Variants in NRP1 observed in about 807,000 individuals in gnomAD.
The protein encoded by NRP1 is neuropilin-1.
Under a neutral mutation model 106.7 loss-of-function variants are expected in NRP1, and 35 were observed. That is an observed-to-expected ratio of 0.33 (90% CI 0.25 to 0.43). NRP1 has a LOEUF of 0.43. NRP1 is among the 20% of genes least tolerant of loss of function. The pLI is 1.00. For missense variants in NRP1, 1,024 were observed against 1,170.4 expected (o/e 0.87, Z 1.83); for synonymous variants, 437 against 417.9 (o/e 1.05, Z -0.56).
intron 2 of NRP1, among the ~76,000 whole-genome samples, chr10:33,325,554 G>C (rs1847827540): frequency 6.6e-6 from 1 of 152,100 alleles, no homozygotes; most frequent in Non-Finnish European, 1.5e-5. Context: ...GGAATAATCA[G>C]ATTTGAGAAA....
Position 33,207,603 on chromosome 10 carries a change from G to T in NRP1, c.1728C>A (p.Leu576=). 1 of 1,614,188 alleles carries T rather than the reference G, an allele frequency of 6.2e-7. No homozygotes were observed. The change falls in exon 10 of 17, where the codon CTC becomes CTA. Residue 576 remains leucine, a synonymous_variant. Transcript: ENST00000374867. ...CTTCACAGCCCAGCAGCTCCATTCTGAGCCCCAGTCCGCCATGAGTGGCTC... is the reference window on the plus strand; with the variant it reads ...CTTCACAGCCCAGCAGCTCCATTCTTAGCCCCAGTCCGCCATGAGTGGCTC... The part of the protein sequence containing the change: ...PERATHGGLG[L]RMELLGCEVE...
intron 6 of NRP1, among the ~76,000 whole-genome samples, chr10:33,237,489 A>ACG (rs1840660024): frequency 9.3e-5 from 9 of 96,844 alleles, no homozygotes; most frequent in Non-Finnish European, 1.1e-4. Context: ...ATGCGCGCGC[A>ACG]CACACACACA....
chr10:33,251,722 T>C (rs1409547651), intron 6 of NRP1, among the ~76,000 whole-genome samples: 1 of 152,214 alleles, frequency 6.6e-6, no homozygotes, highest in African/African-American at 2.4e-5. Flanking sequence ...GTGTTTTTAC[T>C]GACAAGAGAA....
intron 13 of NRP1, among the ~76,000 whole-genome samples, chr10:33,189,693 T>A (rs1836276363): frequency 6.6e-6 from 1 of 152,244 alleles, no homozygotes; most frequent in Non-Finnish European, 1.5e-5. Context: ...ACCAAGCAAA[T>A]GGGATGCCTT....
chr10:33,211,300 A>C (rs1216596376), intron 9 of NRP1: 1 of 152,254 alleles, frequency 6.6e-6, no homozygotes, highest in Non-Finnish European at 1.5e-5. Context: ...TCACACCAGC[A>C]CACGCCGCCG....
chr10:33,229,007 T>G (rs1839898326), intron 6 of NRP1, among the ~76,000 whole-genome samples: 3 of 152,218 alleles, frequency 2.0e-5, no homozygotes. Flanking sequence ...ATCTCCCTCA[T>G]GTACACATTT....
chr10:33,276,298 G>C lies in NRP1; in HGVS notation c.249-5442C>G, dbSNP rs554720984. ...ACAACAACAACACTATCTTGGAAGT[G>C]AATCAAAGACGGGCTTTGCTTTTTT... On this transcript the variant is annotated intron_variant, in intron 2 of 16. Coordinates refer to ENST00000374867, the MANE Select transcript of NRP1 (RefSeq NM_003873.7). Among the ~76,000 whole-genome samples the C allele has an allele frequency of 2.6e-5, 4 of 152,284 alleles. No individual in the cohort carries two copies. In the East Asian group the frequency reaches 7.7e-4, roughly 29 times the overall value.
chr10:33,280,144 G>C (rs1363818213), intron 2 of NRP1, among the ~76,000 whole-genome samples: 1 of 152,168 alleles, frequency 6.6e-6, no homozygotes, highest in East Asian at 1.9e-4. Flanking sequence ...AAAATATTTG[G>C]AATCTAAATT....
At chr10:33,287,434 G>A (rs1008585873) in intron 2 of NRP1, among the ~76,000 whole-genome samples, 6 of 152,092 alleles carry the variant, frequency 3.9e-5, no homozygotes, top group Admixed American at 3.3e-4. Context: ...TAGCATGTAC[G>A]ACATACATAA....
At position 33,331,348 on chromosome 10, in the gene NRP1, G is replaced by C. The variant is rs11009347; in HGVS notation, c.74-466C>G. ...CCTGGTCTATGTCATTGATCAGTGGGGATTGTCTTTGATTGGCTTAAAGCC... is the reference window on the plus strand; with the variant it reads ...CCTGGTCTATGTCATTGATCAGTGGCGATTGTCTTTGATTGGCTTAAAGCC... On this transcript the variant is annotated intron_variant, in intron 1 of 16. Transcript: ENST00000374867. Among the ~76,000 whole-genome samples the C allele has an allele frequency of 2.2e-3, 337 of 152,206 alleles. 5 individuals carry two copies. The East Asian group carries it at 0.058, about 26-fold the overall frequency.
At chr10:33,330,385 C>T (rs1001659360) in intron 2 of NRP1, among the ~76,000 whole-genome samples, 1 of 150,596 alleles carries the variant, frequency 6.6e-6, no homozygotes, top group African/African-American at 2.5e-5. Flanking sequence ...CTAGTTCTTC[C>T]CCTCTCCAGG....
In NRP1 at chr10:33,256,455, C is replaced by T. The variant is rs758864521; in HGVS notation, c.675G>A (p.Gly225=). 6.2e-7 allele frequency: 1 copy of T among 1,614,112 alleles called. No individual in the cohort carries two copies. The highest frequency in any genetic ancestry group is 1.7e-5 in the Admixed American group (1 of 60,016). ...DGFPDVGPHI[G]RYCGQKTPGR... is the part of the protein sequence containing the mutation. ...CTGGTGTTTTCTGTCCACAGTAACG[C>T]CCAATGTGAGGGCCAACTGGAAAGG... The change falls in exon 5 of 17, where the codon GGG becomes GGA. Residue 225 remains glycine, a synonymous_variant. Transcript: ENST00000374867.
intron 2 of NRP1, among the ~76,000 whole-genome samples, chr10:33,283,923 G>T (rs927324496): frequency 6.6e-6 from 1 of 152,140 alleles, no homozygotes; most frequent in Non-Finnish European, 1.5e-5. Context: ...TAAACAAGGG[G>T]AACATACAAC....
chr10:33,231,690 C>G lies in NRP1; in HGVS notation c.982-5401G>C, dbSNP rs556544912. Among the ~76,000 whole-genome samples, 12 of 152,108 alleles carry G rather than the reference C, an allele frequency of 7.9e-5. 1 individual carries two copies. The highest frequency in any genetic ancestry group is 1.2e-4 in the Non-Finnish European group (8 of 67,998). ...AAGAGCAGTAAGAGTGTGCAAAACG[C>G]GAACCCATGACTACCGTACAGACAG... is the stretch of plus-strand genomic sequence containing the variant. On this transcript the variant is annotated intron_variant, in intron 6 of 16. Coordinates refer to ENST00000374867, the MANE Select transcript of NRP1 (RefSeq NM_003873.7).
chr10:33,214,093 T>G (rs1350971508), intron 8 of NRP1, among the ~76,000 whole-genome samples: 1 of 152,090 alleles, frequency 6.6e-6, no homozygotes, highest in Non-Finnish European at 1.5e-5. Context: ...TGCATAGAAG[T>G]CAATCCGATA....
intron 1 of NRP1, among the ~76,000 whole-genome samples, chr10:33,331,918 T>G (rs528035178): frequency 1.3e-5 from 2 of 152,234 alleles, no homozygotes; most frequent in East Asian, 3.8e-4. Flanking sequence ...CAGTGAAATA[T>G]ATAAGCCTAT....
In NRP1 at chr10:33,237,487, GCACACACACACA is replaced by G. The variant is rs111698441; in HGVS notation, c.982-11210_982-11199del. Among the ~76,000 whole-genome samples, 154 of 144,852 alleles carry G rather than the reference GCACACACACACA, an allele frequency of 1.1e-3. 1 individual carries two copies. The highest frequency in any genetic ancestry group is 3.7e-3 in the African/African-American group (144 of 38,936). On this transcript the variant is annotated intron_variant, in intron 6 of 16. Coordinates refer to ENST00000374867, the MANE Select transcript of NRP1 (RefSeq NM_003873.7). ...CGGCAGAAGAAACACACATGCGCGC[GCACACACACACA>G]CACACACACACACACACAAATCCCA...
At chr10:33,229,702 G>A (rs1839952274) in intron 6 of NRP1, among the ~76,000 whole-genome samples, 1 of 152,018 alleles carries the variant, frequency 6.6e-6, no homozygotes, top group Non-Finnish European at 1.5e-5. Flanking sequence ...AGATTCCTAG[G>A]TATTAGGAAC....
intron 10 of NRP1, chr10:33,205,348 C>G (rs1213384030): frequency 6.6e-6 from 1 of 152,212 alleles, no homozygotes; most frequent in East Asian, 1.9e-4. Context: ...TCATTTCTAC[C>G]TCACTACAGA....
Sources: gnomAD v4.1 joint callset for allele counts (sites outside exome capture counted in the v4.1 genomes callset) on GRCh38, gnomAD v4.1.1 for gene constraint, MANE v1.5 for transcripts, NCBI Gene and HGNC (gene_info 2026-07-23, HGNC 2026-07-21) for gene names.